The following CACNA2D3 variants were observed in gnomAD, a reference collection of about 807,000 sequenced individuals.
CACNA2D3 encodes calcium voltage-gated channel auxiliary subunit alpha2delta 3, also known as voltage-dependent calcium channel subunit alpha-2/delta-3.
Under a neutral mutation model 160.6 loss-of-function variants are expected in CACNA2D3, and 60 were observed. That is an observed-to-expected ratio of 0.37 (90% confidence interval 0.30 to 0.46). The LOEUF (loss-of-function observed/expected upper bound fraction) is 0.46. CACNA2D3 is among the 20% of genes least tolerant of loss of function. The pLI is 1.00. For synonymous variants in CACNA2D3, 558 were observed against 492.9 expected, an observed-to-expected ratio of 1.13 and a Z score of -1.75; for missense variants, 1,205 against 1,365.0, an observed-to-expected ratio of 0.88 and a Z score of 1.85.
chr3:54,376,985 ATGG>A (rs1699024222), intron 3 of CACNA2D3, among the ~76,000 whole-genome samples: 1 of 152,220 alleles, frequency 6.6e-6, no homozygotes, highest in Non-Finnish European at 1.5e-5. Flanking sequence ...CTGAAAGGAC[ATGG>A]AAATTGTTAG....
chr3:55,021,665 G>GTGTA (rs1703455969), intron 35 of CACNA2D3, among the ~76,000 whole-genome samples: 6 of 140,360 alleles, frequency 4.3e-5, no homozygotes, highest in African/African-American at 1.6e-4. Context: ...ATATGTGTGT[G>GTGTA]TATATATATA....
intron 11 of CACNA2D3, among the ~76,000 whole-genome samples, chr3:54,652,040 G>A (rs534857529): frequency 1.5e-4 from 23 of 151,942 alleles, no homozygotes; most frequent in African/African-American, 5.1e-4. Context: ...CTGGTTGAGA[G>A]GAGAAGGGAT....
At chr3:54,128,141 G>C (rs1433574111) in intron 2 of CACNA2D3, among the ~76,000 whole-genome samples, 1 of 152,098 alleles carries the variant, frequency 6.6e-6, no homozygotes, top group Admixed American at 6.5e-5. Context: ...TGATTGATTA[G>C]CATGGTGATC....
At chr3:54,408,961 A>G (rs957325521) in intron 4 of CACNA2D3, among the ~76,000 whole-genome samples, 1 of 152,192 alleles carries the variant, frequency 6.6e-6, no homozygotes, top group Non-Finnish European at 1.5e-5. Flanking sequence ...TATAACATGA[A>G]CAGGAGCTAA....
At chr3:54,927,349 T>A (rs1057375524) in intron 27 of CACNA2D3, among the ~76,000 whole-genome samples, 2 of 152,180 alleles carry the variant, frequency 1.3e-5, no homozygotes, top group Non-Finnish European at 2.9e-5. Flanking sequence ...TTCCAGAATA[T>A]CAAAGAGCAA....
rs1700868430 is a variant in CACNA2D3, at chr3:54,185,665, C to T, written c.204+62071C>T. On this transcript the variant is annotated intron_variant, in intron 2 of 37. Transcript: ENST00000474759. ...TTTTGGGCTCTCTAGGTCTCTGTTA[C>T]AAATACTCGACTCTGCTGTTGTTGT... is the stretch of plus-strand genomic sequence containing the variant. Among the ~76,000 whole-genome samples the T allele has an allele frequency of 3.3e-5, 5 of 152,150 alleles. No individual in the cohort carries two copies. The South Asian group carries it at 1.0e-3, about 32-fold the overall frequency.
chr3:54,267,696 C>T (rs1702545731), intron 2 of CACNA2D3, among the ~76,000 whole-genome samples: 1 of 152,094 alleles, frequency 6.6e-6, no homozygotes, highest in African/African-American at 2.4e-5. Context: ...TTTTCTTGTG[C>T]TATATATGAC....
chr3:54,292,254 A>T (rs1028604214), intron 2 of CACNA2D3, among the ~76,000 whole-genome samples: 1 of 152,230 alleles, frequency 6.6e-6, no homozygotes, highest in South Asian at 2.1e-4. Flanking sequence ...GTCAAATTTC[A>T]TGACCTTGGA....
intron 5 of CACNA2D3, among the ~76,000 whole-genome samples, chr3:54,511,393 T>A (rs975474878): frequency 6.6e-6 from 1 of 152,146 alleles, no homozygotes; most frequent in Non-Finnish European, 1.5e-5. Flanking sequence ...GGACCTGGAA[T>A]AGAAATGCGC....
Position 54,596,993 on chromosome 3 carries a change from CATT to C in CACNA2D3, c.963+15117_963+15119del, listed in dbSNP as rs532902145. ...CCACAGGCCAGCATCTCATGGACAACATTGTGGTCACCACTGTCTCCACGGCAC... is the reference window on the plus strand; with the variant it reads ...CCACAGGCCAGCATCTCATGGACAACGTGGTCACCACTGTCTCCACGGCAC... On this transcript the variant is annotated intron_variant, in intron 9 of 37. Transcript: ENST00000474759. 4.2e-3 allele frequency among the ~76,000 whole-genome samples: 641 copies of C among 152,228 alleles called. 2 individuals carry two copies. The highest frequency in any genetic ancestry group is 0.014 in the African/African-American group (602 of 41,544).
intron 4 of CACNA2D3, among the ~76,000 whole-genome samples, chr3:54,420,785 G>T (rs1699825548): frequency 6.6e-6 from 1 of 152,246 alleles, no homozygotes; most frequent in South Asian, 2.1e-4. Context: ...CTGCACCTGG[G>T]ATGCAAAATT....
At chr3:54,822,753 T>TCTTTCTTC (rs1703640377) in intron 14 of CACNA2D3, among the ~76,000 whole-genome samples, 1 of 77,566 alleles carries the variant, frequency 1.3e-5, no homozygotes, top group Non-Finnish European at 2.6e-5. Flanking sequence ...TTTCTTTCTT[T>TCTTTCTTC]CTTTCTTTCT....
intron 4 of CACNA2D3, among the ~76,000 whole-genome samples, chr3:54,447,474 A>G (rs1191785778): frequency 6.6e-6 from 1 of 152,202 alleles, no homozygotes; most frequent in Non-Finnish European, 1.5e-5. Flanking sequence ...GTGTCAGTCA[A>G]ATGTTGTATA....
Position 54,703,436 on chromosome 3 carries a change from A to T in CACNA2D3, c.1168-49163A>T, listed in dbSNP as rs149472823. 1.2e-4 allele frequency among the ~76,000 whole-genome samples: 18 copies of T among 152,032 alleles called. 1 individual carries two copies. The highest frequency in any genetic ancestry group is 2.9e-5 in the Non-Finnish European group (2 of 68,010). ...TTTCTAGATTCTTGGGTGGTATTAC[A>T]TTTTTTTAAGGATAACTAGTGTCCC... On this transcript the variant is annotated intron_variant, in intron 11 of 37. Transcript: ENST00000474759.
chr3:54,595,993 T>C (rs1254696355), intron 9 of CACNA2D3, among the ~76,000 whole-genome samples: 1 of 152,120 alleles, frequency 6.6e-6, no homozygotes, highest in Non-Finnish European at 1.5e-5. Flanking sequence ...GGCATACAAT[T>C]TTAACCAATT....
intron 11 of CACNA2D3, among the ~76,000 whole-genome samples, chr3:54,751,793 A>C (rs555341468): frequency 2.0e-4 from 31 of 152,130 alleles, no homozygotes; most frequent in African/African-American, 7.5e-4. Flanking sequence ...CACAGGCTGC[A>C]CATGGCCCAT....
intron 16 of CACNA2D3, among the ~76,000 whole-genome samples, chr3:54,841,909 C>A (rs930073059): frequency 2.0e-5 from 3 of 152,158 alleles, no homozygotes; most frequent in Non-Finnish European, 4.4e-5. Context: ...GTCCAGGGCC[C>A]CTTTGGCAAG....
At chr3:54,719,987 C>T (rs1701140220) in intron 11 of CACNA2D3, among the ~76,000 whole-genome samples, 2 of 151,690 alleles carry the variant, frequency 1.3e-5, no homozygotes, top group Non-Finnish European at 2.9e-5. Context: ...TCTGTAGGGC[C>T]CTTCTTTTTT....
intron 11 of CACNA2D3, among the ~76,000 whole-genome samples, chr3:54,648,999 A>C (rs897096257): frequency 2.0e-5 from 3 of 152,206 alleles, no homozygotes; most frequent in Admixed American, 6.5e-5. Context: ...TTGGTGGTCA[A>C]ATTCCAACAT....
Sources: allele counts gnomAD v4.1 joint callset (sites outside exome capture counted in the v4.1 genomes callset), GRCh38; gene constraint gnomAD v4.1.1; transcripts MANE v1.5; gene names NCBI Gene and HGNC (gene_info 2026-07-23, HGNC 2026-07-21).